The following FER variants were observed in gnomAD, a reference collection of about 807,000 sequenced individuals.
FER encodes FER tyrosine kinase, also known as tyrosine-protein kinase Fer.
Under a neutral mutation model 111.0 loss-of-function variants are expected in FER, and 63 were observed. The ratio of observed to expected loss-of-function variants is 0.57; its 90% CI spans 0.46 to 0.70. The LOEUF is 0.70. Ranked by LOEUF, FER falls within the 30% of genes least tolerant of loss-of-function variation. The pLI is 0.00. For synonymous variants in FER, 327 were observed against 313.9 expected (o/e 1.04, Z -0.44); for missense variants, 914 against 954.0 (o/e 0.96, Z 0.55).
chr5:108,907,573 G>T (rs1200762748), intron 10 of FER, among the ~76,000 whole-genome samples: 4 of 151,894 alleles, frequency 2.6e-5, no homozygotes, highest in Non-Finnish European at 5.9e-5. Context: ...GATTATAGGA[G>T]TGAGCCCCTG....
intron 5 of FER, chr5:108,842,581 T>C (rs1761375864): frequency 6.6e-6 from 1 of 151,904 alleles, no homozygotes; most frequent in South Asian, 2.1e-4. Flanking sequence ...AGCACATGAA[T>C]AGACATGAAT....
In FER at chr5:108,923,119, A is replaced by G. The variant is rs1443274664; in HGVS notation, c.1237-23011A>G. Among the ~76,000 whole-genome samples the G allele has an allele frequency of 2.6e-5, 4 of 152,222 alleles. No homozygotes were observed. In the East Asian group the frequency reaches 5.8e-4, roughly 22 times the overall value. On this transcript the variant is annotated intron_variant, in intron 10 of 19. Transcript: ENST00000281092. ...TGTGGGGAGTTAAATGAGATAATCC[A>G]TCTAAAATGCCGAGAAAATGCTTTC... is the stretch of plus-strand genomic sequence containing the variant.
intron 14 of FER, among the ~76,000 whole-genome samples, chr5:109,040,926 G>A (rs1771077375): frequency 6.6e-6 from 1 of 152,090 alleles, no homozygotes; most frequent in Non-Finnish European, 1.5e-5. Context: ...AGGAAAATTG[G>A]TAGGTGGGTC....
chr5:108,838,769 C>T (rs545651258), intron 5 of FER, among the ~76,000 whole-genome samples: 6 of 151,994 alleles, frequency 3.9e-5, no homozygotes, highest in Non-Finnish European at 5.9e-5. Flanking sequence ...TAAAATAATA[C>T]ACCTTAAACA....
chr5:108,875,741 G>C (rs879361375), intron 8 of FER, among the ~76,000 whole-genome samples: 4 of 152,072 alleles, frequency 2.6e-5, no homozygotes, highest in Non-Finnish European at 4.4e-5. Flanking sequence ...AAGATAGCAG[G>C]TTATTCTAAA....
At chr5:108,912,947 A>G (rs1055197853) in intron 10 of FER, among the ~76,000 whole-genome samples, 1 of 152,012 alleles carries the variant, frequency 6.6e-6, no homozygotes, top group Non-Finnish European at 1.5e-5. Context: ...CTAGATGAGT[A>G]CTCTTGGAGA....
At chr5:108,991,887 T>C (rs1581542791) in intron 13 of FER, among the ~76,000 whole-genome samples, 1 of 151,706 alleles carries the variant, frequency 6.6e-6, no homozygotes, top group East Asian at 1.9e-4. Context: ...AATTAATTAA[T>C]TTATTTTTAT....
rs1759246310 is a variant in FER, at chr5:109,189,775, G to C, written c.*2200G>C. On this transcript the variant is annotated 3_prime_UTR_variant, in exon 20 of 20. Transcript: ENST00000281092. ...AGCAAGGAGAGAGAATGATGGTTTT[G>C]GCTTTAGTTTTATGAACAAGACCTA... The C allele has an allele frequency of 6.6e-6, 1 of 152,036 alleles. No individual in the cohort carries two copies. Among genetic ancestry groups the C allele is most frequent in the Non-Finnish European group, 1.5e-5 (1 of 68,012 alleles). The allele number at this position is 152,036 out of a possible 1,614,324, so 9.4% of individuals were successfully genotyped here. A position where few individuals can be genotyped will look rare whatever the true frequency, so the allele number is the denominator to read the frequency against.
intron 13 of FER, among the ~76,000 whole-genome samples, chr5:108,996,922 TC>T (rs1764061065): frequency 1.3e-5 from 2 of 152,198 alleles, no homozygotes; most frequent in African/African-American, 4.8e-5. Context: ...TTTATTTGTG[TC>T]CTCTTTTACT....
At chr5:109,143,044 G>A (rs1301110555) in intron 17 of FER, among the ~76,000 whole-genome samples, 1 of 152,036 alleles carries the variant, frequency 6.6e-6, no homozygotes, top group African/African-American at 2.4e-5. Context: ...CACCACTTCT[G>A]GCCACTTTAA....
At chr5:108,951,496 C>G (rs961073011) in intron 11 of FER, among the ~76,000 whole-genome samples, 1 of 152,082 alleles carries the variant, frequency 6.6e-6, no homozygotes, top group African/African-American at 2.4e-5. Context: ...TTATGAATTA[C>G]TCTTTGTCAC....
chr5:109,012,182 A>T (rs1766365424), intron 13 of FER, among the ~76,000 whole-genome samples: 1 of 152,192 alleles, frequency 6.6e-6, no homozygotes, highest in Non-Finnish European at 1.5e-5. Context: ...CTGTGTATTC[A>T]CGTATGCCAG....
intron 17 of FER, among the ~76,000 whole-genome samples, chr5:109,159,013 C>A (rs1582309952): frequency 6.6e-6 from 1 of 152,046 alleles, no homozygotes; most frequent in African/African-American, 2.4e-5. Flanking sequence ...CTAGATAAAA[C>A]AAAAGGGATA....
At chr5:109,165,906 C>T (rs1441108095) in intron 17 of FER, among the ~76,000 whole-genome samples, 1 of 152,066 alleles carries the variant, frequency 6.6e-6, no homozygotes, top group African/African-American at 2.4e-5. Flanking sequence ...TATCAATAAA[C>T]AATGTTTATA....
In FER at chr5:109,059,735, A is replaced by G. The variant is rs113669832; in HGVS notation, c.1924+12537A>G. On this transcript the variant is annotated intron_variant, in intron 16 of 19. Transcript: ENST00000281092. ...AGAACATTCATACGTTACTGGTAGA[A>G]TGTAAAATGATGGTCACTTTGGAAG... is the stretch of plus-strand genomic sequence containing the variant. Among the ~76,000 whole-genome samples, 59 of 152,306 alleles carry G rather than the reference A, an allele frequency of 3.9e-4. 1 individual carries two copies. Among genetic ancestry groups the G allele is most frequent in the Middle Eastern group, 3.4e-3 (1 of 294 alleles).
intron 13 of FER, among the ~76,000 whole-genome samples, chr5:108,986,299 T>C (rs986198931): frequency 1.3e-5 from 2 of 151,820 alleles, no homozygotes; most frequent in Non-Finnish European, 2.9e-5. Flanking sequence ...CTTCTCTTTT[T>C]TTTTTTTCCT....
intron 16 of FER, among the ~76,000 whole-genome samples, chr5:109,088,944 A>G (rs1480685170): frequency 6.6e-6 from 1 of 152,214 alleles, no homozygotes; most frequent in African/African-American, 2.4e-5. Context: ...AGAAAAAGGT[A>G]TTAAGGATAG....
At position 109,188,995 on chromosome 5, in the gene FER, A is replaced by C. The variant is rs1759173600; in HGVS notation, c.*1420A>C. On this transcript the variant is annotated 3_prime_UTR_variant, in exon 20 of 20. Coordinates refer to ENST00000281092, the MANE Select transcript of FER (RefSeq NM_005246.4). ...GAAGTCAGGTGAATATTAATGAGAA[A>C]TATGACATAGGGACAGCCCTCCCAT... 6.6e-6 allele frequency: 1 copy of C among 152,224 alleles called. No individual in the cohort carries two copies. Among genetic ancestry groups the C allele is most frequent in the Non-Finnish European group, 1.5e-5 (1 of 68,062 alleles). The allele number at this position is 152,224 out of a possible 1,614,324, so 9.4% of individuals were successfully genotyped here.
chr5:109,181,763 A>C (rs78432694), intron 18 of FER, among the ~76,000 whole-genome samples: 3,607 of 152,336 alleles, frequency 0.024, 71 homozygotes, highest in East Asian at 0.075. Flanking sequence ...TGAAATTCAC[A>C]TACCATAAAA....
Sources: allele counts gnomAD v4.1 joint callset (sites outside exome capture counted in the v4.1 genomes callset), GRCh38; gene constraint gnomAD v4.1.1; transcripts MANE v1.5; gene names NCBI Gene and HGNC (gene_info 2026-07-23, HGNC 2026-07-21).